The following GALNTL6 variants were observed in gnomAD, a reference collection of about 807,000 sequenced individuals.
The protein encoded by GALNTL6 is polypeptide N-acetylgalactosaminyltransferase like 6.
In GALNTL6, 46 loss-of-function variants were observed where a neutral mutation model predicts 73.7. The observed-to-expected ratio is 0.62, with a 90% CI of 0.49 to 0.80. The LOEUF (loss-of-function observed/expected upper bound fraction) is 0.80, where lower values mean the gene tolerates loss of function less well. Ranked by LOEUF, GALNTL6 falls within the 30% of genes least tolerant of loss-of-function variation. The probability of loss-of-function intolerance (pLI) is 0.00; values close to 1 mark genes in which losing one functional copy is unlikely to be tolerated. For synonymous variants in GALNTL6, 259 were observed against 263.7 expected (o/e 0.98, Z 0.17); for missense variants, 604 against 755.0 (o/e 0.80, Z 2.34).
Position 172,206,963 on chromosome 4 carries a change from A to G in GALNTL6, c.139-22693A>G, listed in dbSNP as rs367836391. On this transcript the variant is annotated intron_variant, in intron 2 of 12. Transcript: ENST00000506823. ...CTCCCGAGTAGCTGGGACTACAGGCACCCACCACCACGCCCGGCTAGTTTT... is the reference window on the plus strand; with the variant it reads ...CTCCCGAGTAGCTGGGACTACAGGCGCCCACCACCACGCCCGGCTAGTTTT... Among the ~76,000 whole-genome samples, 1,375 of 150,546 alleles carry G rather than the reference A, an allele frequency of 9.1e-3. 2 individuals are homozygous for G. The highest frequency in any genetic ancestry group is 0.016 in the East Asian group (83 of 5,080).
chr4:172,203,274 T>C (rs966972721), intron 2 of GALNTL6, among the ~76,000 whole-genome samples: 1 of 152,172 alleles, frequency 6.6e-6, no homozygotes, highest in African/African-American at 2.4e-5. Flanking sequence ...TGAGCACTGG[T>C]ATTTCAGTAA....
At chr4:172,486,513 G>A (rs1049492003) in intron 5 of GALNTL6, among the ~76,000 whole-genome samples, 4 of 152,174 alleles carry the variant, frequency 2.6e-5, no homozygotes, top group Admixed American at 2.0e-4. Context: ...TTGAGTGGAA[G>A]GATAAAGTGG....
intron 5 of GALNTL6, among the ~76,000 whole-genome samples, chr4:172,789,934 A>G (rs1038273621): frequency 1.3e-5 from 2 of 152,270 alleles, no homozygotes; most frequent in Non-Finnish European, 1.5e-5. Context: ...AAAAACCACC[A>G]TGTATCATAA....
chr4:171,888,597 A>C (rs1291893695), intron 2 of GALNTL6, among the ~76,000 whole-genome samples: 1 of 152,032 alleles, frequency 6.6e-6, no homozygotes, highest in Non-Finnish European at 1.5e-5. Flanking sequence ...AGGAAATACC[A>C]ATTGGCAAAA....
intron 5 of GALNTL6, among the ~76,000 whole-genome samples, chr4:172,462,786 A>C (rs141495942): frequency 6.6e-5 from 10 of 152,332 alleles, no homozygotes; most frequent in East Asian, 1.9e-4. Context: ...CGTCTATAAG[A>C]TGAAGGGAAG....
intron 5 of GALNTL6, among the ~76,000 whole-genome samples, chr4:172,788,691 A>G (rs1263383553): frequency 6.7e-6 from 1 of 149,364 alleles, no homozygotes; most frequent in Non-Finnish European, 1.5e-5. Context: ...AAAAAAAAAA[A>G]GATAGATAGA....
intron 5 of GALNTL6, among the ~76,000 whole-genome samples, chr4:172,558,501 A>T (rs1369021570): frequency 6.6e-6 from 1 of 152,168 alleles, no homozygotes; most frequent in Non-Finnish European, 1.5e-5. Context: ...GTGTGCACAG[A>T]AAAAAGATGA....
intron 5 of GALNTL6, among the ~76,000 whole-genome samples, chr4:172,740,041 C>T (rs746042169): frequency 2.6e-5 from 4 of 151,898 alleles, no homozygotes; most frequent in African/African-American, 4.8e-5. Context: ...GACTTCAAAA[C>T]CCTCCTGGAT....
chr4:172,377,630 G>A (rs576068405), intron 5 of GALNTL6, among the ~76,000 whole-genome samples: 11 of 152,274 alleles, frequency 7.2e-5, no homozygotes, highest in Admixed American at 2.6e-4. Context: ...GGAGCCCACC[G>A]GTTGTGGGGG....
chr4:172,847,934 A>C (rs1337308240), intron 7 of GALNTL6, among the ~76,000 whole-genome samples: 1 of 152,172 alleles, frequency 6.6e-6, no homozygotes, highest in Non-Finnish European at 1.5e-5. Context: ...AGCTACTTAG[A>C]GCTCAGTCTG....
intron 5 of GALNTL6, among the ~76,000 whole-genome samples, chr4:172,635,961 T>A (rs534396138): frequency 9.2e-5 from 14 of 152,304 alleles, no homozygotes; most frequent in Non-Finnish European, 1.6e-4. Context: ...AGCTATGGAT[T>A]TCAGATTCCT....
intron 10 of GALNTL6, among the ~76,000 whole-genome samples, chr4:172,956,493 G>A (rs1289075316): frequency 6.6e-6 from 1 of 152,200 alleles, no homozygotes; most frequent in Non-Finnish European, 1.5e-5. Context: ...AAGAGTGGCG[G>A]TTTGGGGATA....
chr4:172,882,808 A>T lies in GALNTL6; in HGVS notation c.942A>T (p.Gly314=), dbSNP rs199506724. Residue 314 remains glycine, a synonymous_variant, in exon 8 of 13, where the codon GGA becomes GGT. Coordinates refer to ENST00000506823, the MANE Select transcript of GALNTL6 (RefSeq NM_001034845.3). The part of the protein sequence containing the change: ...SDPFESPVMA[G]GLFAVDRKWF... ...TTCACAGGTCTCCTGTTATGGCTGG[A>T]GGTCTCTTTGCTGTGGATCGGAAAT... The T allele has an allele frequency of 3.1e-6, 5 of 1,608,626 alleles. No homozygotes were observed. Among genetic ancestry groups the T allele is most frequent in the Non-Finnish European group, 4.2e-6 (5 of 1,176,550 alleles).
intron 5 of GALNTL6, among the ~76,000 whole-genome samples, chr4:172,535,556 A>T (rs569347577): frequency 6.6e-6 from 1 of 152,344 alleles, no homozygotes; most frequent in South Asian, 2.1e-4. Context: ...ATTAAAAAGA[A>T]TATGCCTTTG....
chr4:171,830,863 T>C (rs984584301), intron 2 of GALNTL6, among the ~76,000 whole-genome samples: 4 of 152,190 alleles, frequency 2.6e-5, no homozygotes, highest in African/African-American at 7.2e-5. Context: ...ATGCAATTTC[T>C]GTTGTATAAC....
intron 5 of GALNTL6, among the ~76,000 whole-genome samples, chr4:172,798,538 A>T (rs1230830412): frequency 6.6e-6 from 1 of 152,176 alleles, no homozygotes; most frequent in Non-Finnish European, 1.5e-5. Flanking sequence ...CATGCTTCTT[A>T]TATAGCCTAT....
chr4:172,963,037 A>C (rs1750155246), intron 10 of GALNTL6, among the ~76,000 whole-genome samples: 1 of 152,112 alleles, frequency 6.6e-6, no homozygotes, highest in Non-Finnish European at 1.5e-5. Flanking sequence ...CTTACCTATA[A>C]GATTCTAAAC....
At chr4:172,452,360 A>G (rs2111424711) in intron 5 of GALNTL6, among the ~76,000 whole-genome samples, 1 of 146,960 alleles carries the variant, frequency 6.8e-6, no homozygotes, top group African/African-American at 2.6e-5. Flanking sequence ...ACAAAACTAA[A>G]ACAGCAGCGA....
chr4:172,222,398 T>C (rs72998372), intron 2 of GALNTL6, among the ~76,000 whole-genome samples: 4,593 of 151,982 alleles, frequency 0.03, 207 homozygotes, highest in African/African-American at 0.1. Context: ...TGCAAATAAA[T>C]CCCATAAGGA....
Sources: allele counts gnomAD v4.1 joint callset (sites outside exome capture counted in the v4.1 genomes callset), GRCh38; gene constraint gnomAD v4.1.1; transcripts MANE v1.5; gene names NCBI Gene and HGNC (gene_info 2026-07-23, HGNC 2026-07-21).